The following AVEN variants were observed in gnomAD, a reference collection of about 807,000 sequenced individuals.
The protein encoded by AVEN is apoptosis and caspase activation inhibitor.
AVEN carries 41 observed loss-of-function variants against 38.1 expected under a neutral mutation model. The ratio of observed to expected loss-of-function variants is 1.08; its 90% CI spans 0.84 to 1.40. The LOEUF is 1.40. Among genes scored for constraint, AVEN ranks in the 40% most tolerant of loss-of-function variants. AVEN has a pLI of 0.00. For synonymous variants in AVEN, 206 were observed against 171.8 expected (o/e 1.20, Z -1.56); for missense variants, 605 against 438.8 (o/e 1.38, Z -3.38).
chr15:33,863,333 C>T (rs1320663815), downstream of AVEN, among the ~76,000 whole-genome samples: 1 of 152,152 alleles, frequency 6.6e-6, no homozygotes, highest in Non-Finnish European at 1.5e-5. Context: ...AGGCAGTGAA[C>T]ATACTTAGAG....
At chr15:33,958,870 T>C (rs774515771) in intron 2 of AVEN, among the ~76,000 whole-genome samples, 3 of 152,184 alleles carry the variant, frequency 2.0e-5, no homozygotes, top group Non-Finnish European at 4.4e-5. Context: ...GTCTTTTAGC[T>C]GCTTTTTTAA....
At chr15:33,979,404 G>A (rs940904947) in intron 2 of AVEN, among the ~76,000 whole-genome samples, 3 of 152,096 alleles carry the variant, frequency 2.0e-5, no homozygotes, top group African/African-American at 7.2e-5. Context: ...AGCTACTCAG[G>A]AGGCTGAGGT....
intron 2 of AVEN, among the ~76,000 whole-genome samples, chr15:33,990,365 G>A (rs941025746): frequency 1.3e-5 from 2 of 152,000 alleles, no homozygotes. Context: ...ATGGGCGACA[G>A]AGTGAGACCC....
intron 2 of AVEN, among the ~76,000 whole-genome samples, chr15:33,890,231 C>T (rs985425720): frequency 6.6e-6 from 1 of 152,144 alleles, no homozygotes; most frequent in African/African-American, 2.4e-5. Context: ...CTGCCTAGCT[C>T]CACACAAAGC....
At chr15:34,039,596 G>A (rs904641171), upstream of AVEN, among the ~76,000 whole-genome samples, 1 of 152,156 alleles carries the variant, frequency 6.6e-6, no homozygotes, top group Non-Finnish European at 1.5e-5. Context: ...AGGAGGTGTG[G>A]ATGTAAAGAC....
intron 4 of AVEN, among the ~76,000 whole-genome samples, chr15:33,870,578 AGATT>A (rs2153034463): frequency 6.6e-6 from 1 of 152,272 alleles, no homozygotes; most frequent in South Asian, 2.1e-4. Context: ...CCTTCCCAAT[AGATT>A]AAGTTCCAGA....
At position 33,945,551 on chromosome 15, in the gene AVEN, T is replaced by A. The variant is rs973584821; in HGVS notation, c.445+57481A>T. On this transcript the variant is annotated intron_variant, in intron 2 of 5. Coordinates refer to ENST00000306730, the MANE Select transcript of AVEN (RefSeq NM_020371.3). ...GCATGGCACAGGAGCTCTTCATGAT[T>A]TTGTGGGTCTGCTTGGTGCACTCTT... Among the ~76,000 whole-genome samples the A allele has an allele frequency of 6.6e-5, 10 of 152,152 alleles. No individual in the cohort carries two copies. The South Asian group carries it at 2.1e-3, about 32-fold the overall frequency.
chr15:34,032,010 T>C (rs1334305380), intron 1 of AVEN, among the ~76,000 whole-genome samples: 3 of 106,156 alleles, frequency 2.8e-5, no homozygotes, highest in African/African-American at 8.5e-5. Context: ...AACACACACA[T>C]ACGCGCGCAC....
At chr15:33,956,785 C>T (rs1382534128) in intron 2 of AVEN, among the ~76,000 whole-genome samples, 3 of 150,690 alleles carry the variant, frequency 2.0e-5, no homozygotes, top group East Asian at 3.9e-4. Context: ...ATTTTTATTA[C>T]ATTAAGTTTT....
At chr15:33,978,714 C>T (rs919242556) in intron 2 of AVEN, among the ~76,000 whole-genome samples, 1 of 151,940 alleles carries the variant, frequency 6.6e-6, no homozygotes, top group African/African-American at 2.4e-5. Context: ...TTAAGGTGTA[C>T]AAATTCGTCC....
At chr15:34,066,644 A>C (rs1034062630) in intron 3 of AVEN, 1 of 152,116 alleles carries the variant, frequency 6.6e-6, no homozygotes, top group Non-Finnish European at 1.5e-5. Flanking sequence ...TCTCTACAAA[A>C]AAAATTTTAA....
At chr15:34,012,971 C>CCTAAATTT (rs1348881921) in intron 1 of AVEN, among the ~76,000 whole-genome samples, 2 of 152,148 alleles carry the variant, frequency 1.3e-5, no homozygotes, top group African/African-American at 4.8e-5. Context: ...TTCCTAAATT[C>CCTAAATTT]CCCACCAGCT....
chr15:33,963,808 A>AAG lies in AVEN; in HGVS notation c.445+39223_445+39224insCT, dbSNP rs1176852973. Among the ~76,000 whole-genome samples, 18 of 150,530 alleles carry AAG rather than the reference A, an allele frequency of 1.2e-4. No individual in the cohort carries two copies. The South Asian group carries it at 3.1e-3, about 26-fold the overall frequency. ...CGAGACTCTGTCTCAAAAAAAAAAA[A>AAG]AAAAAGAAAACGAACAAACAAAAAA... On this transcript the variant is annotated intron_variant, in intron 2 of 5. Transcript: ENST00000306730.
At chr15:33,869,199 G>A (rs1209567392) in intron 4 of AVEN, among the ~76,000 whole-genome samples, 1 of 152,182 alleles carries the variant, frequency 6.6e-6, no homozygotes. Flanking sequence ...GTTCTGGGGT[G>A]GGTGTCTGGC....
chr15:33,860,288 A>G (rs2080200806), intron 11 of AVEN, among the ~76,000 whole-genome samples: 1 of 152,148 alleles, frequency 6.6e-6, no homozygotes, highest in Admixed American at 6.5e-5. Context: ...GGGAGAGCCT[A>G]TCACACAGAC....
At chr15:33,914,353 G>T (rs112023829) in intron 2 of AVEN, among the ~76,000 whole-genome samples, 42 of 152,168 alleles carry the variant, frequency 2.8e-4, no homozygotes, top group African/African-American at 9.9e-4. Flanking sequence ...TGCCAAAGAA[G>T]TAAGTCCAGA....
At chr15:33,976,210 A>G (rs1030709178) in intron 2 of AVEN, among the ~76,000 whole-genome samples, 1 of 152,224 alleles carries the variant, frequency 6.6e-6, no homozygotes, top group Non-Finnish European at 1.5e-5. Flanking sequence ...TTCAATTATT[A>G]TGACATACTA....
intron 2 of AVEN, among the ~76,000 whole-genome samples, chr15:33,978,182 G>A (rs908849946): frequency 6.6e-6 from 1 of 152,086 alleles, no homozygotes. Context: ...TTTCTCTCTA[G>A]GCAGAACCAA....
intron 2 of AVEN, among the ~76,000 whole-genome samples, chr15:33,911,907 T>C (rs1892931892): frequency 6.6e-6 from 1 of 152,188 alleles, no homozygotes; most frequent in African/African-American, 2.4e-5. Flanking sequence ...GAAGAAGGTA[T>C]GAACTGCAAG....
Sources: gnomAD v4.1 joint callset for allele counts (sites outside exome capture counted in the v4.1 genomes callset) on GRCh38, gnomAD v4.1.1 for gene constraint, MANE v1.5 for transcripts, NCBI Gene and HGNC (gene_info 2026-07-23, HGNC 2026-07-21) for gene names.